Variants in TTC12 observed in about 807,000 individuals in gnomAD.
TTC12 encodes the protein tetratricopeptide repeat protein 12.
Under a neutral mutation model 90.1 loss-of-function variants are expected in TTC12, and 70 were observed. The ratio of observed to expected loss-of-function variants is 0.78; its 90% confidence interval spans 0.64 to 0.95. The LOEUF is 0.95. Among genes scored for constraint, TTC12 ranks in the 40% least tolerant of loss-of-function variants. TTC12 has a pLI of 0.00. For synonymous variants in TTC12, 296 were observed against 311.5 expected, an observed-to-expected ratio of 0.95 and a Z score of 0.53; for missense variants, 819 against 846.1, an observed-to-expected ratio of 0.97 and a Z score of 0.40.
intron 16 of TTC12, among the ~76,000 whole-genome samples, chr11:113,358,897 C>T (rs1949767376): frequency 6.6e-6 from 1 of 152,146 alleles, no homozygotes; most frequent in Non-Finnish European, 1.5e-5. Flanking sequence ...GGCTTGCATG[C>T]AGCATTCCCA....
At chr11:113,334,866 A>G in intron 7 of TTC12, 100 bp from the exon 8 acceptor site, 4 of 937,838 alleles carry the variant, frequency 4.3e-6, no homozygotes, top group South Asian at 3.5e-5. Flanking sequence ...TGCCCTGAGA[A>G]TCAAAGTTTC....
At chr11:113,354,720 A>G (rs1482879067) in intron 16 of TTC12, among the ~76,000 whole-genome samples, 3 of 152,224 alleles carry the variant, frequency 2.0e-5, no homozygotes, top group Admixed American at 1.3e-4. Context: ...TGAGATAATC[A>G]CATGGTTTTT....
chr11:113,318,722 G>A (rs1947109871), intron 2 of TTC12, among the ~76,000 whole-genome samples: 1 of 152,150 alleles, frequency 6.6e-6, no homozygotes, highest in Admixed American at 6.5e-5. Flanking sequence ...AAAATGACAG[G>A]GGAGTGTCCT....
rs150855001 is a variant in TTC12 at position 113,364,855 on chromosome 11, C to G, written c.1837C>G (p.Leu613Val). Reference protein sequence around the residue: ...LDKKLSVMMKLLSSEDEVLVG... With the variant: ...LDKKLSVMMKVLSSEDEVLVG... Reference sequence around the variant, plus strand: ...TGCAGAGTTGAGCGTTATGATGAAGCTGCTCAGCTCGGAGGATGAGGTTCT... The same window carrying G: ...TGCAGAGTTGAGCGTTATGATGAAGGTGCTCAGCTCGGAGGATGAGGTTCT... Residue 613 changes from leucine to valine, a missense_variant, in exon 21 of 22, where the codon CTG becomes GTG. Coordinates refer to ENST00000529221, the MANE Select transcript of TTC12 (RefSeq NM_017868.4). 3.5e-4 allele frequency: 558 copies of G among 1,614,118 alleles called. 2 individuals are homozygous for G. The highest frequency in any genetic ancestry group is 4.5e-4 in the Non-Finnish European group (526 of 1,179,952).
At chr11:113,329,295 G>A (rs1161125204) in intron 6 of TTC12, among the ~76,000 whole-genome samples, 1 of 152,114 alleles carries the variant, frequency 6.6e-6, no homozygotes, top group African/African-American at 2.4e-5. Context: ...TTTATCATTT[G>A]GTGTTTTTCT....
intron 21 of TTC12, 105 bp downstream of exon 21, chr11:113,365,165 A>T: frequency 9.8e-7 from 1 of 1,016,798 alleles, no homozygotes; most frequent in Non-Finnish European, 1.5e-6. Flanking sequence ...CAGTGTGGGA[A>T]GCCCTCATGC....
rs782003267 is a variant in TTC12, at chr11:113,334,900, G to T, written c.505-66G>T. The stretch of plus-strand genomic sequence containing the variant: ...TCGCCTTAACTCTTTTAGCTGTATA[G>T]TGAGGGGAGTGGCTAATGACTTCAC... On this transcript the variant is annotated intron_variant, in intron 7 of 21. Coordinates refer to ENST00000529221, the MANE Select transcript of TTC12 (RefSeq NM_017868.4). The T allele has an allele frequency of 5.4e-6, 7 of 1,308,138 alleles. No homozygotes were observed. In the Admixed American group the frequency reaches 6.8e-5, roughly 13 times the overall value. 81.0% of individuals were successfully genotyped at this position (1,308,138 alleles called of 1,614,324 possible).
chr11:113,336,130 A>G (rs1437842964), intron 8 of TTC12, among the ~76,000 whole-genome samples: 2 of 152,104 alleles, frequency 1.3e-5, no homozygotes, highest in Non-Finnish European at 1.5e-5. Flanking sequence ...GTGAAGTGAT[A>G]TGTCATTGTG....
rs1457629857 is a variant in TTC12, at chr11:113,324,549, A to G, written c.245-56A>G. On this transcript the variant is annotated intron_variant, in intron 4 of 21. Coordinates refer to ENST00000529221, the MANE Select transcript of TTC12 (RefSeq NM_017868.4). ...TAACACTTCGAATTTGAGCTAAAGA[A>G]CTGATTATAGTATTTGGATTTTTCT... 3 of 1,468,686 alleles carry G rather than the reference A, an allele frequency of 2.0e-6. No homozygotes were observed. The Admixed American group carries it at 5.3e-5, about 26-fold the overall frequency. 91.0% of individuals were successfully genotyped at this position (1,468,686 alleles called of 1,614,324 possible).
downstream of TTC12, chr11:113,368,502 G>A (rs188180795): frequency 1.4e-4 from 216 of 1,550,128 alleles, no homozygotes; most frequent in Middle Eastern, 8.3e-4. Context: ...AGAGGAGCTG[G>A]GATTTTCCAT....
At chr11:113,350,308 GC>G in intron 14 of TTC12, 143 bp downstream of exon 14, 1 of 637,414 alleles carries the variant, frequency 1.6e-6, no homozygotes. Context: ...GAGGGCTGAT[GC>G]CTCCCAGGGG....
At chr11:113,328,576 T>C (rs1356124427) in intron 6 of TTC12, among the ~76,000 whole-genome samples, 1 of 152,122 alleles carries the variant, frequency 6.6e-6, no homozygotes, top group Non-Finnish European at 1.5e-5. Context: ...TCTGCTGTGC[T>C]CGGGAGGACA....
At chr11:113,361,938 C>A in intron 18 of TTC12, among the ~76,000 whole-genome samples, 2 of 142,400 alleles carry the variant, frequency 1.4e-5, no homozygotes. Flanking sequence ...AAAAGAGTAA[C>A]AGCTTGGCAT....
chr11:113,364,001 G>A lies in TTC12; in HGVS notation c.1816+74G>A, dbSNP rs150995411. 1.6e-4 allele frequency: 161 copies of A among 1,001,302 alleles called. No homozygotes were observed. The East Asian group carries it at 2.8e-3, about 18-fold the overall frequency. The allele number at this position is 1,001,302 out of a possible 1,614,324, so 62.0% of individuals were successfully genotyped here. ...CCCTTGAAGCTGCAAAGGGAACTGT[G>A]GTCGAGGAGGAACTTAGCAGCAATG... is the stretch of plus-strand genomic sequence containing the variant. On this transcript the variant is annotated intron_variant, in intron 20 of 21. Coordinates refer to ENST00000529221, the MANE Select transcript of TTC12 (RefSeq NM_017868.4).
chr11:113,329,948 A>C lies in TTC12; in HGVS notation c.473A>C (p.Lys158Thr). ...QAYMKLEDYE[K>T]ALVDCEWALK... ...TATATGAAACTTGAGGACTATGAGA[A>C]GGCACTGGTGGATTGTGAGTGGGCT... The change falls in exon 7 of 22, where the codon AAG becomes ACG. Residue 158 changes from lysine (K) to threonine (T), a missense_variant. Lys to Thr is a moderately conservative substitution (Grantham distance 78). Coordinates refer to ENST00000529221, the MANE Select transcript of TTC12 (RefSeq NM_017868.4). 6.2e-7 allele frequency: 1 copy of C among 1,613,802 alleles called. No homozygotes were observed. Among genetic ancestry groups the C allele is most frequent in the Non-Finnish European group, 8.5e-7 (1 of 1,179,658 alleles).
chr11:113,329,539 T>C (rs1373814375), intron 6 of TTC12: 4 of 459,624 alleles, frequency 8.7e-6, no homozygotes, highest in African/African-American at 2.0e-5. Context: ...CTCCTGGCCT[T>C]CGGCTCTGGT....
intron 2 of TTC12, among the ~76,000 whole-genome samples, chr11:113,322,818 C>A (rs538194944): frequency 6.6e-6 from 1 of 152,190 alleles, no homozygotes; most frequent in Non-Finnish European, 1.5e-5. Flanking sequence ...AGTGATTGAC[C>A]ATGGAATCTA....
At chr11:113,354,151 G>A (rs1360827420) in intron 16 of TTC12, among the ~76,000 whole-genome samples, 1 of 152,072 alleles carries the variant, frequency 6.6e-6, no homozygotes, top group Admixed American at 6.6e-5. Flanking sequence ...ACTGTGTTTT[G>A]TAGTTCTTCT....
In TTC12 at chr11:113,344,285, T is replaced by C. The variant is rs782244769; in HGVS notation, c.999T>C (p.Arg333=). The C allele has an allele frequency of 6.2e-7, 1 of 1,612,392 alleles. No individual in the cohort carries two copies. Among genetic ancestry groups the C allele is most frequent in the Admixed American group, 1.7e-5 (1 of 59,838 alleles). Residue 333 remains arginine, a synonymous_variant, in exon 13 of 22, where the codon CGT becomes CGC. Transcript: ENST00000529221. ...AVCSRNEENQ[R]VLVIHHDRAR... ...TGTGTTTTGCAGAGGAAAACCAGCG[T>C]GTGCTAGTGATACACCATGACAGGG... is the stretch of plus-strand genomic sequence containing the variant.
Sources: gnomAD v4.1 joint callset for allele counts (sites outside exome capture counted in the v4.1 genomes callset) on GRCh38, gnomAD v4.1.1 for gene constraint, MANE v1.5 for transcripts, NCBI Gene and HGNC (gene_info 2026-07-23, HGNC 2026-07-21) for gene names.